ABCB5: variants seen among roughly 807,000 people sequenced by gnomAD.
ABCB5 encodes the protein ATP binding cassette subfamily B member 5.
ABCB5 carries 155 observed loss-of-function variants against 144.2 expected under a neutral mutation model. That is an observed-to-expected ratio of 1.08 (90% CI 0.94 to 1.23). The LOEUF (loss-of-function observed/expected upper bound fraction) is 1.23, where lower values mean the gene tolerates loss of function less well. Ranked by LOEUF, ABCB5 falls within the 50% of genes most tolerant of loss-of-function variation. ABCB5 has a pLI of 0.00. For synonymous variants in ABCB5, 610 were observed against 528.6 expected (o/e 1.15, Z -2.11); for missense variants, 1,830 against 1,520.8 (o/e 1.20, Z -3.38).
rs578164950 is a variant in ABCB5 at position 20,698,535 on chromosome 7, T to C, written c.2139T>C (p.Phe713=). Residue 713 remains phenylalanine, a synonymous_variant, in exon 17 of 28, where the codon TTT becomes TTC. Transcript: ENST00000404938. ...GTVHPVFSII[F]AKIITMFGNN... is the part of the protein sequence containing the mutation. ...TTCATCCAGTATTTTCCATCATCTT[T>C]GCAAAAATTATAACCGTAAGTAAAA... The C allele has an allele frequency of 8.8e-6, 14 of 1,592,748 alleles. No individual in the cohort carries two copies. The African/African-American group carries it at 9.5e-5, about 11-fold the overall frequency.
intron 23 of ABCB5, among the ~76,000 whole-genome samples, chr7:20,733,567 A>G (rs1782289358): frequency 1.3e-5 from 2 of 152,080 alleles, no homozygotes; most frequent in South Asian, 4.1e-4. Context: ...CCAGTGCCCC[A>G]AGGGAAGGAA....
At chr7:20,669,081 C>T (rs570256678) in intron 14 of ABCB5, among the ~76,000 whole-genome samples, 74 of 150,674 alleles carry the variant, frequency 4.9e-4, no homozygotes, top group African/African-American at 1.6e-3. Context: ...CCTGGCCAGC[C>T]GCCCCGTCCG....
rs1583388075 is a variant in ABCB5, at chr7:20,643,769, C to CTTTTGA, written c.678+143_678+148dup. 4.6e-5 allele frequency: 44 copies of CTTTTGA among 949,160 alleles called. No individual in the cohort carries two copies. The East Asian group carries it at 1.1e-3, about 25-fold the overall frequency. 58.8% of individuals were successfully genotyped at this position (949,160 alleles called of 1,614,324 possible). ...AAAGGGATATTATACACCACAAATA[C>CTTTTGA]TTTTGATTTTGTTCACCATTAATCC... is the stretch of plus-strand genomic sequence containing the variant. On this transcript the variant is annotated intron_variant, in intron 7 of 27. Transcript: ENST00000404938.
At chr7:20,698,756 G>T (rs1315156967) in intron 17 of ABCB5, among the ~76,000 whole-genome samples, 1 of 152,176 alleles carries the variant, frequency 6.6e-6, no homozygotes, top group Non-Finnish European at 1.5e-5. Context: ...GGGCCTTGTT[G>T]ACTGGGCAAT....
intron 27 of ABCB5, among the ~76,000 whole-genome samples, chr7:20,755,196 G>A (rs1228601303): frequency 6.6e-6 from 1 of 152,202 alleles, no homozygotes; most frequent in East Asian, 1.9e-4. Context: ...TGATCTGCCT[G>A]CCTTGGCCTC....
intron 16 of ABCB5, among the ~76,000 whole-genome samples, chr7:20,691,677 T>C (rs1221937873): frequency 2.0e-5 from 3 of 151,800 alleles, no homozygotes; most frequent in Non-Finnish European, 1.5e-5. Flanking sequence ...GGGTAAAGTG[T>C]TAAGAAAGAT....
chr7:20,645,723 T>A lies in ABCB5; in HGVS notation c.679-33T>A, dbSNP rs760980834. ...TTCAGAACATTATTACTACACAGAG[T>A]CATTTTTTAACTGTGGTTGTGGTTT... is the stretch of plus-strand genomic sequence containing the variant. On this transcript the variant is annotated intron_variant, in intron 7 of 27. Coordinates refer to ENST00000404938, the MANE Select transcript of ABCB5 (RefSeq NM_001163941.2). The A allele has an allele frequency of 8.1e-6, 13 of 1,611,464 alleles. No individual in the cohort carries two copies. The South Asian group carries it at 1.4e-4, about 18-fold the overall frequency.
chr7:20,694,033 A>C (rs1786322770), intron 16 of ABCB5, among the ~76,000 whole-genome samples: 1 of 151,348 alleles, frequency 6.6e-6, no homozygotes, highest in African/African-American at 2.4e-5. Flanking sequence ...TAAAAAAAAA[A>C]ACAAAAAAAC....
At chr7:20,618,913 TACAGGCA>T (rs2128015450) in intron 1 of ABCB5, among the ~76,000 whole-genome samples, 2 of 151,816 alleles carry the variant, frequency 1.3e-5, no homozygotes, top group African/African-American at 4.8e-5. Context: ...TAGCTGAGAC[TACAGGCA>T]TGTACCACCA....
At chr7:20,746,902 T>C (rs571836333) in intron 26 of ABCB5, among the ~76,000 whole-genome samples, 51 of 152,332 alleles carry the variant, frequency 3.3e-4, no homozygotes, top group African/African-American at 1.2e-3. Context: ...GATAGTTAAA[T>C]TTAACAACCA....
chr7:20,628,887 A>G lies in ABCB5; in HGVS notation c.259+49A>G, dbSNP rs112181448. The G allele has an allele frequency of 3.1e-5, 50 of 1,589,918 alleles. No homozygotes were observed. The African/African-American group carries it at 5.6e-4, about 18-fold the overall frequency. The stretch of plus-strand genomic sequence containing the variant: ...TATCACTTAAGACACAAAAGCATTG[A>G]ATAAAGCAAACAAACGTTAAGCTAG... On this transcript the variant is annotated intron_variant, in intron 4 of 27. Transcript: ENST00000404938.
At chr7:20,729,705 A>G (rs1019908130) in intron 23 of ABCB5, among the ~76,000 whole-genome samples, 6 of 152,242 alleles carry the variant, frequency 3.9e-5, no homozygotes, top group Non-Finnish European at 5.9e-5. Flanking sequence ...AATCCATACA[A>G]TACTTGACTC....
chr7:20,714,159 T>C (rs73684821), intron 20 of ABCB5, among the ~76,000 whole-genome samples: 4,407 of 152,300 alleles, frequency 0.029, 191 homozygotes, highest in African/African-American at 0.096. Flanking sequence ...CTTGTTACTC[T>C]GTCTTGGTGA....
In ABCB5 at chr7:20,743,009, G is replaced by A. The variant is rs1421780453; in HGVS notation, c.3157G>A (p.Gly1053Ser). Residue 1053 changes from glycine (G) to serine (S), a missense_variant, in exon 25 of 28, where the codon GGC becomes AGC. Physicochemically the swap from Gly to Ser is moderately conservative, Grantham distance 56 (BLOSUM62 0). Transcript: ENST00000404938. ...GACAGTAGCATTTGTGGGGAGCAGC[G>A]GCTGTGGGAAAAGCACTTCTGTTCA... ...GKTVAFVGSS[G>S]CGKSTSVQLL... The A allele has an allele frequency of 4.3e-6, 7 of 1,614,116 alleles. No individual in the cohort carries two copies. Among genetic ancestry groups the A allele is most frequent in the East Asian group, 4.5e-5 (2 of 44,870 alleles).
chr7:20,695,014 G>A (rs1292614793), intron 16 of ABCB5, among the ~76,000 whole-genome samples: 1 of 151,900 alleles, frequency 6.6e-6, no homozygotes, highest in Non-Finnish European at 1.5e-5. Flanking sequence ...TAGTTAAGAT[G>A]TTCTTTCTCC....
At chr7:20,684,197 T>A (rs1324762421) in intron 15 of ABCB5, among the ~76,000 whole-genome samples, 1 of 152,206 alleles carries the variant, frequency 6.6e-6, no homozygotes, top group African/African-American at 2.4e-5. Flanking sequence ...GAGACTAATA[T>A]TATAATTATT....
chr7:20,631,794 G>A (rs970153385), intron 4 of ABCB5, among the ~76,000 whole-genome samples: 1 of 152,152 alleles, frequency 6.6e-6, no homozygotes, highest in African/African-American at 2.4e-5. Flanking sequence ...GATCAGAGAT[G>A]TCCCAAATAA....
chr7:20,743,186 T>A lies in ABCB5; in HGVS notation c.3222+112T>A, dbSNP rs1782616731. The stretch of plus-strand genomic sequence containing the variant: ...TGGGTGGGGCAAACAATGCAGAAGT[T>A]AAAAAGAAAAAAAATCTCTGTGTCA... On this transcript the variant is annotated intron_variant, in intron 25 of 27. Coordinates refer to ENST00000404938, the MANE Select transcript of ABCB5 (RefSeq NM_001163941.2). 6.1e-6 allele frequency: 7 copies of A among 1,154,568 alleles called. No individual in the cohort carries two copies. In the Admixed American group the frequency reaches 1.0e-4, roughly 17 times the overall value. 71.5% of individuals were successfully genotyped at this position (1,154,568 alleles called of 1,614,324 possible). A position where few individuals can be genotyped will look rare whatever the true frequency, so the allele number is the denominator to read the frequency against.
chr7:20,649,515 C>T (rs960200565), intron 11 of ABCB5, among the ~76,000 whole-genome samples: 13 of 152,154 alleles, frequency 8.5e-5, no homozygotes, highest in African/African-American at 3.1e-4. Flanking sequence ...AAAGTGTTCC[C>T]TCATGGGTCA....
Sources: gnomAD v4.1 joint callset for allele counts (sites outside exome capture counted in the v4.1 genomes callset) on GRCh38, gnomAD v4.1.1 for gene constraint, MANE v1.5 for transcripts, NCBI Gene and HGNC (gene_info 2026-07-23, HGNC 2026-07-21) for gene names.